PPFIA1: variants seen among roughly 807,000 people sequenced by gnomAD.
PPFIA1 encodes liprin-alpha-1.
A neutral mutation model predicts 149.9 loss-of-function variants in PPFIA1; 25 were observed. The ratio of observed to expected loss-of-function variants is 0.17; its 90% CI spans 0.12 to 0.23. The LOEUF is 0.23. PPFIA1 is among the 10% of genes least tolerant of loss of function. The pLI is 1.00. For missense variants in PPFIA1, 1,362 were observed against 1,506.5 expected (o/e 0.90, Z 1.59); for synonymous variants, 549 against 552.8 (o/e 0.99, Z 0.10).
At chr11:70,382,867 C>T (rs113836709) in intron 27 of PPFIA1, 136 bp from the exon 28 acceptor site, 16 of 296,024 alleles carry the variant, frequency 5.4e-5, no homozygotes, top group East Asian at 1.6e-4. Context: ...AGAGCAGCTA[C>T]GGCACAGAAA....
intron 2 of PPFIA1, chr11:70,282,497 A>G (rs3133178): frequency 0.26 from 30,947 of 120,858 alleles, 3,453 homozygotes; most frequent in South Asian, 0.32. Context: ...GATCCCATGT[A>G]TGTTTCCTTT....
At chr11:70,339,149 A>T in intron 13 of PPFIA1, 22 bp from the exon 14 acceptor site, 1 of 1,611,310 alleles carries the variant, frequency 6.2e-7, no homozygotes, top group Non-Finnish European at 8.5e-7. Context: ...AATAATGATC[A>T]TTCTTATTTT....
chr11:70,271,532 G>C (rs1318684829), intron 1 of PPFIA1, among the ~76,000 whole-genome samples: 1 of 151,086 alleles, frequency 6.6e-6, no homozygotes, highest in Non-Finnish European at 1.5e-5. Context: ...TTTTTTTTCG[G>C]TTGTAAACTT....
intron 9 of PPFIA1, 37 bp downstream of exon 9, chr11:70,332,131 G>A (rs1293156732): frequency 1.3e-6 from 2 of 1,550,466 alleles, no homozygotes; most frequent in Non-Finnish European, 1.7e-6. Flanking sequence ...CGGCTGCCAG[G>A]CCTGTGACTG....
intron 13 of PPFIA1, among the ~76,000 whole-genome samples, chr11:70,338,969 C>G (rs1435480354): frequency 6.6e-6 from 1 of 152,238 alleles, no homozygotes; most frequent in Non-Finnish European, 1.5e-5. Context: ...GGAGAGCTTT[C>G]TACCTGGTAG....
rs968769921 is a variant in PPFIA1, at chr11:70,367,705, A to G, written c.2866-4510A>G. 1.4e-4 allele frequency: 56 copies of G among 414,782 alleles called. 1 individual carries two copies. Among genetic ancestry groups the G allele is most frequent in the South Asian group, 8.6e-4 (51 of 59,070 alleles). 25.7% of individuals were successfully genotyped at this position (414,782 alleles called of 1,614,324 possible). ...GCCACTTCAGGAGTCTGAGCAGAGC[A>G]TATAATGAGGAAACAGAAACAAGTA... On this transcript the variant is annotated intron_variant, in intron 21 of 27. Transcript: ENST00000253925.
intron 2 of PPFIA1, among the ~76,000 whole-genome samples, chr11:70,316,889 G>A (rs759555131): frequency 5.3e-5 from 8 of 152,204 alleles, no homozygotes; most frequent in South Asian, 2.1e-4. Flanking sequence ...TAAACCTTTC[G>A]TTCAGAAGTG....
intron 2 of PPFIA1, among the ~76,000 whole-genome samples, chr11:70,312,900 G>A (rs1340226960): frequency 6.6e-6 from 1 of 152,180 alleles, no homozygotes; most frequent in Admixed American, 6.5e-5. Context: ...GGGGCTGGGG[G>A]CGGGTGTGAC....
At chr11:70,283,821 G>A in intron 2 of PPFIA1, 2 of 407,018 alleles carry the variant, frequency 4.9e-6, no homozygotes, top group Non-Finnish European at 5.0e-6. Context: ...GTTTGGTGGT[G>A]TTGAGAGGTA....
chr11:70,296,816 T>C (rs7118156), intron 2 of PPFIA1, among the ~76,000 whole-genome samples: 32,401 of 150,364 alleles, frequency 0.22, 5,374 homozygotes, highest in African/African-American at 0.46. Context: ...GTTTCTTTGC[T>C]TATGGAGAGG....
At chr11:70,280,891 T>A (rs1035035480) in intron 2 of PPFIA1, among the ~76,000 whole-genome samples, 4 of 152,156 alleles carry the variant, frequency 2.6e-5, no homozygotes, top group Admixed American at 2.0e-4. Context: ...TTTTTTTTAC[T>A]GACCCATCTT....
At chr11:70,320,474 C>T (rs1042328917) in intron 2 of PPFIA1, among the ~76,000 whole-genome samples, 3 of 150,722 alleles carry the variant, frequency 2.0e-5, no homozygotes, top group South Asian at 2.1e-4. Context: ...TCTCGTCACC[C>T]GGCCTGGAGT....
intron 19 of PPFIA1, among the ~76,000 whole-genome samples, chr11:70,356,827 C>G (rs918229234): frequency 2.0e-5 from 3 of 152,156 alleles, no homozygotes; most frequent in African/African-American, 4.8e-5. Context: ...TTCCGTAGAT[C>G]GGGTAGTTTT....
chr11:70,319,765 G>A (rs997714064), intron 2 of PPFIA1, among the ~76,000 whole-genome samples: 9 of 152,104 alleles, frequency 5.9e-5, no homozygotes, highest in African/African-American at 1.9e-4. Flanking sequence ...TGACCTCACC[G>A]GCTTCCTCCA....
At chr11:70,354,645 G>A (rs2056258055) in intron 17 of PPFIA1, among the ~76,000 whole-genome samples, 193 bp downstream of exon 17, 1 of 152,150 alleles carries the variant, frequency 6.6e-6, no homozygotes, top group South Asian at 2.1e-4. Flanking sequence ...AGCAGAAGAT[G>A]CATATCTGTT....
chr11:70,342,665 T>C (rs75752921), intron 14 of PPFIA1, among the ~76,000 whole-genome samples: 2,608 of 152,272 alleles, frequency 0.017, 67 homozygotes, highest in African/African-American at 0.057. Context: ...AAAACACTTA[T>C]GAAATTTACG....
intron 14 of PPFIA1, among the ~76,000 whole-genome samples, chr11:70,342,471 A>C (rs892851012): frequency 1.3e-5 from 2 of 152,170 alleles, no homozygotes; most frequent in Non-Finnish European, 2.9e-5. Flanking sequence ...CTGATGACAT[A>C]CATAATGCCT....
At chr11:70,330,680 G>C (rs1324422400) in intron 8 of PPFIA1, among the ~76,000 whole-genome samples, 1 of 152,260 alleles carries the variant, frequency 6.6e-6, no homozygotes, top group Admixed American at 6.5e-5. Context: ...GTCTTGGTCG[G>C]ATGCGGTGGC....
At chr11:70,320,177 C>T (rs1419566930) in intron 2 of PPFIA1, 1 of 152,266 alleles carries the variant, frequency 6.6e-6, no homozygotes, top group Non-Finnish European at 1.5e-5. Flanking sequence ...TGCATCTCCC[C>T]TCCAAACACA....
Sources: allele counts gnomAD v4.1 joint callset (sites outside exome capture counted in the v4.1 genomes callset), GRCh38; gene constraint gnomAD v4.1.1; transcripts MANE v1.5; gene names NCBI Gene and HGNC (gene_info 2026-07-23, HGNC 2026-07-21).